PXDNL: variants seen among roughly 807,000 people sequenced by gnomAD.
PXDNL encodes the protein peroxidasin like.
A neutral mutation model predicts 150.8 loss-of-function variants in PXDNL; 145 were observed. The observed-to-expected ratio is 0.96, with a 90% CI of 0.84 to 1.10. PXDNL has a LOEUF of 1.10. Ranked by LOEUF, PXDNL falls within the 50% of genes least tolerant of loss-of-function variation. PXDNL has a pLI of 0.00. For synonymous variants in PXDNL, 757 were observed against 725.7 expected (o/e 1.04, Z -0.69); for missense variants, 2,087 against 1,873.9 (o/e 1.11, Z -2.10).
At chr8:51,696,549 G>C (rs1028965174) in intron 1 of PXDNL, among the ~76,000 whole-genome samples, 41 of 150,972 alleles carry the variant, frequency 2.7e-4, no homozygotes, top group African/African-American at 9.8e-4. Flanking sequence ...GGCAGAGCAG[G>C]ATGTAGGAAC....
At chr8:51,768,644 A>C (rs1393171324) in intron 1 of PXDNL, among the ~76,000 whole-genome samples, 1 of 152,220 alleles carries the variant, frequency 6.6e-6, no homozygotes, top group Non-Finnish European at 1.5e-5. Context: ...ATTTAAAGAA[A>C]AAAAGGAAAA....
At chr8:51,433,209 A>AAAT (rs71237206) in intron 12 of PXDNL, among the ~76,000 whole-genome samples, 31,137 of 143,904 alleles carry the variant, frequency 0.22, 3,493 homozygotes, top group African/African-American at 0.27. Context: ...ACTCTATCTC[A>AAAT]AATAATAATA....
chr8:51,471,829 G>A (rs2130095709), intron 8 of PXDNL, among the ~76,000 whole-genome samples: 1 of 151,978 alleles, frequency 6.6e-6, no homozygotes, highest in South Asian at 2.1e-4. Context: ...TGGGACTACA[G>A]GCGCTCACCA....
At chr8:51,783,856 T>C (rs1198041864) in intron 1 of PXDNL, among the ~76,000 whole-genome samples, 4 of 152,108 alleles carry the variant, frequency 2.6e-5, no homozygotes, top group African/African-American at 9.7e-5. Context: ...TGGAAAGAAA[T>C]TGGTAAAATG....
Position 51,374,557 on chromosome 8 carries a change from C to T in PXDNL, c.3692+40G>A, listed in dbSNP as rs144936847. The T allele has an allele frequency of 1.7e-3, 2,686 of 1,603,624 alleles. 7 individuals are homozygous for T. Among genetic ancestry groups the T allele is most frequent in the Non-Finnish European group, 2.1e-3 (2,483 of 1,172,920 alleles). ...CATATACATTTTGGGTCAAAAACAA[C>T]TTTTGTGATATTTAATAAGTATAAC... is the stretch of plus-strand genomic sequence containing the variant. On this transcript the variant is annotated intron_variant, in intron 18 of 22. Coordinates refer to ENST00000356297, the MANE Select transcript of PXDNL (RefSeq NM_144651.5).
chr8:51,518,518 T>C (rs979926800), intron 4 of PXDNL, among the ~76,000 whole-genome samples: 1 of 152,184 alleles, frequency 6.6e-6, no homozygotes, highest in Non-Finnish European at 1.5e-5. Context: ...ACTGAAGTTG[T>C]CAGGTAAGAT....
At chr8:51,409,584 C>T (rs1306705134) in intron 16 of PXDNL, 23 bp from the exon 17 acceptor site, 3 of 1,523,636 alleles carry the variant, frequency 2.0e-6, no homozygotes, top group East Asian at 2.5e-5. Context: ...CGGCGAAAGC[C>T]GTGAGGAGGG....
In PXDNL at chr8:51,345,937, A is replaced by T; in HGVS notation, c.3912T>A (p.Ser1304Arg). ...VWQDCCADCR[S>R]RGQFRAVTQE... ...GCGTCACTGCTCTGAACTGTCCTCT[A>T]CTCCTACAGTCTGTGGGGAAAGAAG... is the stretch of plus-strand genomic sequence containing the variant. The change falls in exon 20 of 23, where the codon AGT becomes AGA. Residue 1304 changes from serine (S) to arginine (R), a missense_variant. By Grantham distance (110) the Ser-to-Arg change is moderately radical (BLOSUM62 -1). Transcript: ENST00000356297. The T allele has an allele frequency of 1.9e-6, 3 of 1,608,416 alleles. No individual in the cohort carries two copies. The highest frequency in any genetic ancestry group is 2.6e-6 in the Non-Finnish European group (3 of 1,174,990).
In PXDNL at chr8:51,548,595, T is replaced by C. The variant is rs180914365; in HGVS notation, c.380+8245A>G. 4.6e-5 allele frequency among the ~76,000 whole-genome samples: 7 copies of C among 152,262 alleles called. 1 individual carries two copies. The highest frequency in any genetic ancestry group is 3.9e-4 in the Admixed American group (6 of 15,290). On this transcript the variant is annotated intron_variant, in intron 4 of 22. Transcript: ENST00000356297. Reference sequence around the variant, plus strand: ...ATGTATCCAGCAAAACTAAGCTTCATAAATGAAGGAGAGATAAAGTATAAT... The same window carrying C: ...ATGTATCCAGCAAAACTAAGCTTCACAAATGAAGGAGAGATAAAGTATAAT...
At chr8:51,798,105 G>A (rs2037581965) in intron 1 of PXDNL, among the ~76,000 whole-genome samples, 1 of 152,158 alleles carries the variant, frequency 6.6e-6, no homozygotes, top group South Asian at 2.1e-4. Context: ...AAAAGGTGCT[G>A]GGTAAACTGG....
intron 8 of PXDNL, among the ~76,000 whole-genome samples, chr8:51,462,527 G>A (rs779764063): frequency 3.3e-5 from 5 of 152,060 alleles, no homozygotes; most frequent in African/African-American, 7.2e-5. Context: ...CAACAGAACA[G>A]ACCAAGCTGA....
chr8:51,343,804 C>T (rs16916023), intron 20 of PXDNL, among the ~76,000 whole-genome samples: 4,531 of 152,158 alleles, frequency 0.03, 219 homozygotes, highest in African/African-American at 0.1. Context: ...ACTGGTAAAA[C>T]GCTTCACCTG....
At chr8:51,432,189 C>T (rs1216135724) in intron 12 of PXDNL, among the ~76,000 whole-genome samples, 1 of 152,010 alleles carries the variant, frequency 6.6e-6, no homozygotes, top group Non-Finnish European at 1.5e-5. Flanking sequence ...TCACCTTCTC[C>T]CTGTGGATAA....
chr8:51,792,908 G>C (rs1172922837), intron 1 of PXDNL, among the ~76,000 whole-genome samples: 1 of 152,154 alleles, frequency 6.6e-6, no homozygotes, highest in Non-Finnish European at 1.5e-5. Flanking sequence ...TACCCCTGAG[G>C]GCTCTGAGAA....
At chr8:51,385,777 C>T (rs1413994511) in intron 17 of PXDNL, among the ~76,000 whole-genome samples, 1 of 152,150 alleles carries the variant, frequency 6.6e-6, no homozygotes, top group East Asian at 1.9e-4. Context: ...TCTCCTGGTA[C>T]TGAGTAAGTC....
At chr8:51,621,902 C>T (rs1206749697) in intron 2 of PXDNL, among the ~76,000 whole-genome samples, 1 of 149,756 alleles carries the variant, frequency 6.7e-6, no homozygotes, top group Non-Finnish European at 1.5e-5. Flanking sequence ...CAAGATCATG[C>T]CATTGCAGGC....
chr8:51,578,092 G>T (rs1813127172), intron 3 of PXDNL, among the ~76,000 whole-genome samples: 1 of 137,518 alleles, frequency 7.3e-6, no homozygotes, highest in East Asian at 2.0e-4. Context: ...AAAAGAGAAA[G>T]AAAGAAAGAA....
chr8:51,631,330 A>T (rs1234971486), intron 2 of PXDNL, among the ~76,000 whole-genome samples: 1 of 152,166 alleles, frequency 6.6e-6, no homozygotes, highest in Non-Finnish European at 1.5e-5. Flanking sequence ...CCTATTGGGT[A>T]TGATGCTCAT....
chr8:51,540,207 C>T (rs1812183683), intron 4 of PXDNL, among the ~76,000 whole-genome samples: 1 of 151,990 alleles, frequency 6.6e-6, no homozygotes, highest in South Asian at 2.1e-4. Context: ...CCAGTTATCT[C>T]TCTGGTTTCT....
Sources: allele counts gnomAD v4.1 joint callset (sites outside exome capture counted in the v4.1 genomes callset), GRCh38; gene constraint gnomAD v4.1.1; transcripts MANE v1.5; gene names NCBI Gene and HGNC (gene_info 2026-07-23, HGNC 2026-07-21).